The following ANXA13 variants were observed in gnomAD, a reference collection of about 807,000 sequenced individuals.
ANXA13 encodes annexin XIII.
A neutral mutation model predicts 46.6 loss-of-function variants in ANXA13; 36 were observed. The observed-to-expected ratio is 0.77, with a 90% CI of 0.59 to 1.02. The LOEUF (loss-of-function observed/expected upper bound fraction) is 1.02. Among genes scored for constraint, ANXA13 ranks in the 50% least tolerant of loss-of-function variants. The probability of loss-of-function intolerance (pLI) is 0.00; values close to 1 mark genes in which losing one functional copy is unlikely to be tolerated. For synonymous variants in ANXA13, 163 were observed against 152.9 expected (o/e 1.07, Z -0.49); for missense variants, 417 against 396.5 (o/e 1.05, Z -0.44).
Position 123,713,985 on chromosome 8 carries a change from C to T in ANXA13, c.16-1232G>A, listed in dbSNP as rs141534448. 3.0e-4 allele frequency among the ~76,000 whole-genome samples: 45 copies of T among 152,250 alleles called. No homozygotes were observed. In the Middle Eastern group the frequency reaches 0.01, roughly 35 times the overall value. The stretch of plus-strand genomic sequence containing the variant: ...CTGGGATTACAGGTGTGAGCCACGG[C>T]GCCCGGCATGTCCATATATTTTCCA... On this transcript the variant is annotated intron_variant, in intron 1 of 10. Transcript: ENST00000419625.
intron 3 of ANXA13, 110 bp downstream of exon 3, chr8:123,702,532 G>T (rs1813462868): frequency 1.2e-6 from 1 of 835,980 alleles, no homozygotes; most frequent in Non-Finnish European, 2.0e-6. Flanking sequence ...TTCCTCCTGG[G>T]CTGACTCAAT....
chr8:123,712,782 GA>G, intron 1 of ANXA13, 29 bp from the exon 2 acceptor site: 2 of 1,591,798 alleles, frequency 1.3e-6, no homozygotes, highest in Middle Eastern at 3.3e-4. Flanking sequence ...AAGGTGAGAT[GA>G]CAATATACGC....
At chr8:123,704,733 G>T (rs1191730181) in intron 2 of ANXA13, among the ~76,000 whole-genome samples, 1 of 152,110 alleles carries the variant, frequency 6.6e-6, no homozygotes, top group Admixed American at 6.5e-5. Context: ...CACCTTCCTA[G>T]ATGGCTTTGT....
chr8:123,693,773 G>A lies in ANXA13; in HGVS notation c.478C>T (p.Arg160Cys). 3.1e-6 allele frequency: 5 copies of A among 1,613,800 alleles called. No individual in the cohort carries two copies. The highest frequency in any genetic ancestry group is 1.1e-5 in the South Asian group (1 of 91,036). Reference sequence around the variant, plus strand: ...TTGTCCACGTCATCTCCTTCATTGCGATTAGCCTAGAAAAATTGACACATT... The same window carrying A: ...TTGTCCACGTCATCTCCTTCATTGCAATTAGCCTAGAAAAATTGACACATT... ...KILVSLLQANRNEGDDVDKDL... is the reference protein window; with the variant it reads ...KILVSLLQANCNEGDDVDKDL... Residue 160 changes from arginine (R) to cysteine (C), a missense_variant, in exon 7 of 11, where the codon CGC (arginine) becomes TGC (cysteine). By Grantham distance (180) the Arg-to-Cys change is radical. Transcript: ENST00000419625.
intron 1 of ANXA13, among the ~76,000 whole-genome samples, chr8:123,718,456 C>T (rs544888412): frequency 2.6e-5 from 4 of 152,292 alleles, no homozygotes; most frequent in East Asian, 1.9e-4. Context: ...TCTCATTTGA[C>T]GAGTGTGAAA....
rs570404897 is a variant in ANXA13, at chr8:123,731,555, C to T, written c.15+5765G>A. On this transcript the variant is annotated intron_variant, in intron 1 of 10. Transcript: ENST00000419625. ...TTCTACCTTCAGGAAACCATCAGTC[C>T]AGTGTGAGGCAGGTATACAAAACAG... 2.0e-5 allele frequency among the ~76,000 whole-genome samples: 3 copies of T among 152,126 alleles called. No homozygotes were observed. The South Asian group carries it at 6.2e-4, about 32-fold the overall frequency.
At chr8:123,694,762 T>C (rs1474099864) in intron 6 of ANXA13, among the ~76,000 whole-genome samples, 1 of 152,174 alleles carries the variant, frequency 6.6e-6, no homozygotes, top group Admixed American at 6.5e-5. Flanking sequence ...TCCTGACCCA[T>C]GGAAACTGTG....
At chr8:123,685,837 G>A (rs1413448131) in intron 9 of ANXA13, among the ~76,000 whole-genome samples, 2 of 152,186 alleles carry the variant, frequency 1.3e-5, no homozygotes, top group Non-Finnish European at 2.9e-5. Context: ...CTGGATTGGT[G>A]GTTCAGGGGA....
intron 3 of ANXA13, among the ~76,000 whole-genome samples, chr8:123,699,421 G>A (rs1813403404): frequency 6.6e-6 from 1 of 152,106 alleles, no homozygotes; most frequent in South Asian, 2.1e-4. Context: ...AGGCTCAAGC[G>A]ATCCTCCACC....
chr8:123,709,333 CTCTTCTT>C (rs1013968245), intron 2 of ANXA13, among the ~76,000 whole-genome samples: 3 of 151,676 alleles, frequency 2.0e-5, no homozygotes, highest in Non-Finnish European at 4.4e-5. Flanking sequence ...CTCTTCCTCT[CTCTTCTT>C]TCTTCTTTCT....
At chr8:123,692,574 G>C (rs1416804679) in intron 8 of ANXA13, among the ~76,000 whole-genome samples, 1 of 152,138 alleles carries the variant, frequency 6.6e-6, no homozygotes, top group East Asian at 1.9e-4. Context: ...ATCTTTTCAG[G>C]AGGCTATCTT....
chr8:123,712,686 T>C lies in ANXA13; in HGVS notation c.83A>G (p.Lys28Arg). The C allele has an allele frequency of 6.2e-7, 1 of 1,614,186 alleles. No homozygotes were observed. The highest frequency in any genetic ancestry group is 8.5e-7 in the Non-Finnish European group (1 of 1,179,986). ...CAAAATATCTCTCATACCCATTCCT[T>C]TGCAGGCTTTGTTCAGCTTTTTGGC... ...RDAKKLNKACKGMGTNEAAII... is the reference protein window; with the variant it reads ...RDAKKLNKACRGMGTNEAAII... The change falls in exon 2 of 11, where the codon AAA becomes AGA. Residue 28 changes from lysine to arginine, a missense_variant. Lys to Arg is a conservative substitution (Grantham distance 26). Coordinates refer to ENST00000419625, the MANE Select transcript of ANXA13 (RefSeq NM_004306.4).
intron 3 of ANXA13, among the ~76,000 whole-genome samples, chr8:123,699,086 C>G (rs1449193252): frequency 6.6e-6 from 1 of 152,188 alleles, no homozygotes; most frequent in Non-Finnish European, 1.5e-5. Context: ...CGGCCTGTAC[C>G]GTCACTTCCG....
At chr8:123,707,154 A>G (rs767727123) in intron 2 of ANXA13, among the ~76,000 whole-genome samples, 9 of 152,238 alleles carry the variant, frequency 5.9e-5, no homozygotes, top group Non-Finnish European at 1.2e-4. Flanking sequence ...GAATGAACGG[A>G]TGCTTAAACA....
rs530808691 is a variant in ANXA13 at position 123,681,059 on chromosome 8, G to C, written c.*181C>G. On this transcript the variant is annotated 3_prime_UTR_variant, in exon 11 of 11. Transcript: ENST00000419625. ...CCAGAGTTCAAGGTGCCCTGCCCACGCATCTTAACGTTACTGCCCTTAACT... is the reference window on the plus strand; with the variant it reads ...CCAGAGTTCAAGGTGCCCTGCCCACCCATCTTAACGTTACTGCCCTTAACT... 4.3e-6 allele frequency: 3 copies of C among 697,602 alleles called. No homozygotes were observed. In the East Asian group the frequency reaches 8.3e-5, roughly 19 times the overall value. 43.2% of individuals were successfully genotyped at this position (697,602 alleles called of 1,614,324 possible).
chr8:123,712,599 T>A lies in ANXA13; in HGVS notation c.91+79A>T, dbSNP rs1813680599. The A allele has an allele frequency of 4.1e-6, 5 of 1,232,498 alleles. No individual in the cohort carries two copies. The Middle Eastern group carries it at 5.6e-4, about 138-fold the overall frequency. 76.3% of individuals were successfully genotyped at this position (1,232,498 alleles called of 1,614,324 possible). A position where few individuals can be genotyped will look rare whatever the true frequency, so the allele number is the denominator to read the frequency against. On this transcript the variant is annotated intron_variant, in intron 2 of 10. Coordinates refer to ENST00000419625, the MANE Select transcript of ANXA13 (RefSeq NM_004306.4). ...ACAAGATAGTGAGATGTCAGCTTCC[T>A]AACATCATGGGGAAGTTGGACATGA...
Position 123,691,050 on chromosome 8 carries a change from T to A in ANXA13, c.643-2104A>T. Reference sequence around the variant, plus strand: ...GTAACGCTGGGGACTGTAATAATCCTGCATGATGCAGAAGTTTGGGAAACT... The same window carrying A: ...GTAACGCTGGGGACTGTAATAATCCAGCATGATGCAGAAGTTTGGGAAACT... On this transcript the variant is annotated intron_variant, in intron 8 of 10. Transcript: ENST00000419625. Among the ~76,000 whole-genome samples, 2 of 152,240 alleles carry A rather than the reference T, an allele frequency of 1.3e-5. 1 individual carries two copies. The highest frequency in any genetic ancestry group is 6.3e-3 in the Middle Eastern group (2 of 316).
chr8:123,726,094 C>T (rs1331176897), intron 1 of ANXA13, among the ~76,000 whole-genome samples: 1 of 152,242 alleles, frequency 6.6e-6, no homozygotes, highest in Non-Finnish European at 1.5e-5. Context: ...ATTTGGATCA[C>T]AGCTCAACAT....
chr8:123,710,251 C>T (rs889803883), intron 2 of ANXA13, among the ~76,000 whole-genome samples: 4 of 152,052 alleles, frequency 2.6e-5, no homozygotes, highest in African/African-American at 4.8e-5. Context: ...AACATTATGC[C>T]AAGTAAAAGA....
Sources: gnomAD v4.1 joint callset for allele counts (sites outside exome capture counted in the v4.1 genomes callset) on GRCh38, gnomAD v4.1.1 for gene constraint, MANE v1.5 for transcripts, NCBI Gene and HGNC (gene_info 2026-07-23, HGNC 2026-07-21) for gene names.